MGAT4C: variants seen among roughly 807,000 people sequenced by gnomAD.
MGAT4C encodes MGAT4 family member C, also known as alpha-1,3-mannosyl-glycoprotein 4-beta-N-acetylglucosaminyltransferase C.
Under a neutral mutation model 40.1 loss-of-function variants are expected in MGAT4C, and 19 were observed. The observed-to-expected ratio is 0.47, with a 90% CI of 0.33 to 0.70. The LOEUF is 0.70. Ranked by LOEUF, MGAT4C falls within the 30% of genes least tolerant of loss-of-function variation. The pLI is 0.02. For synonymous variants in MGAT4C, 181 were observed against 187.1 expected, an observed-to-expected ratio of 0.97 and a Z score of 0.27; for missense variants, 491 against 563.2, an observed-to-expected ratio of 0.87 and a Z score of 1.30.
intron 1 of MGAT4C, among the ~76,000 whole-genome samples, chr12:86,753,525 T>A (rs1422849445): frequency 1.3e-5 from 2 of 152,076 alleles, no homozygotes; most frequent in East Asian, 3.9e-4. Context: ...TATTTCTGTG[T>A]GTGTGTCTTT....
intron 1 of MGAT4C, among the ~76,000 whole-genome samples, chr12:86,159,694 A>T (rs564672534): frequency 6.6e-6 from 1 of 152,052 alleles, no homozygotes; most frequent in East Asian, 1.9e-4. Context: ...TTTATTACTG[A>T]TTCAGTTTCA....
At chr12:86,093,429 C>T (rs564161914) in intron 1 of MGAT4C, among the ~76,000 whole-genome samples, 2 of 152,204 alleles carry the variant, frequency 1.3e-5, no homozygotes, top group South Asian at 4.1e-4. Flanking sequence ...ATTCATAGCC[C>T]TTAAAAGGCC....
chr12:86,693,266 G>C (rs1950201035), intron 2 of MGAT4C, among the ~76,000 whole-genome samples: 1 of 152,170 alleles, frequency 6.6e-6, no homozygotes, highest in South Asian at 2.1e-4. Context: ...ATTATGTCAT[G>C]TATACACTGA....
chr12:86,366,014 C>T (rs534461133), intron 3 of MGAT4C, among the ~76,000 whole-genome samples: 38 of 152,290 alleles, frequency 2.5e-4, no homozygotes, highest in African/African-American at 8.7e-4. Flanking sequence ...TTCTTCCAAT[C>T]CATGAGCATG....
At chr12:86,508,421 G>T (rs527525109) in intron 2 of MGAT4C, among the ~76,000 whole-genome samples, 1 of 152,234 alleles carries the variant, frequency 6.6e-6, no homozygotes, top group African/African-American at 2.4e-5. Context: ...GTATTCCACG[G>T]TGTATATGTG....
intron 2 of MGAT4C, among the ~76,000 whole-genome samples, chr12:86,503,750 T>TA (rs1468061168): frequency 4.6e-5 from 3 of 64,984 alleles, no homozygotes; most frequent in Non-Finnish European, 9.6e-5. Context: ...TATATATATA[T>TA]GAGTTCTGCT....
rs568641823 is a variant in MGAT4C at position 86,292,658 on chromosome 12, T to C, written c.-57+41407A>G. On this transcript the variant is annotated intron_variant, in intron 4 of 7. Transcript: ENST00000548651. ...TAATAACAGTTTACATCACCCATAT[T>C]GCGTTCCACGAAAACTGCTGTTCCA... is the stretch of plus-strand genomic sequence containing the variant. Among the ~76,000 whole-genome samples the C allele has an allele frequency of 5.3e-5, 8 of 152,294 alleles. No individual in the cohort carries two copies. In the East Asian group the frequency reaches 1.5e-3, roughly 29 times the overall value.
chr12:86,516,550 T>C (rs1958690271), intron 2 of MGAT4C, among the ~76,000 whole-genome samples: 1 of 151,986 alleles, frequency 6.6e-6, no homozygotes, highest in Admixed American at 6.6e-5. Context: ...TTCTTGACCT[T>C]GATTTAAGCA....
At chr12:86,465,787 C>A (rs1438564024) in intron 2 of MGAT4C, among the ~76,000 whole-genome samples, 2 of 152,114 alleles carry the variant, frequency 1.3e-5, no homozygotes, top group Admixed American at 6.6e-5. Context: ...GGTGGGAATG[C>A]AAAATTGTAC....
At chr12:86,586,181 A>T (rs1258826305) in intron 2 of MGAT4C, among the ~76,000 whole-genome samples, 1 of 135,992 alleles carries the variant, frequency 7.4e-6, no homozygotes, top group East Asian at 2.3e-4. Flanking sequence ...ATTCCCACCT[A>T]TGAGTGAGAA....
chr12:86,498,902 A>G (rs1416047269), intron 2 of MGAT4C, among the ~76,000 whole-genome samples: 3 of 151,974 alleles, frequency 2.0e-5, no homozygotes, highest in Non-Finnish European at 4.4e-5. Flanking sequence ...TACTGCCAAG[A>G]AGAGAGAAGT....
At chr12:86,491,999 A>G (rs1169353963) in intron 2 of MGAT4C, among the ~76,000 whole-genome samples, 2 of 152,172 alleles carry the variant, frequency 1.3e-5, no homozygotes, top group East Asian at 1.9e-4. Context: ...TTATACACCA[A>G]TAACAGACAA....
chr12:86,800,188 C>T (rs1952200417), intron 1 of MGAT4C, among the ~76,000 whole-genome samples: 1 of 151,846 alleles, frequency 6.6e-6, no homozygotes, highest in Admixed American at 6.6e-5. Context: ...AGTATTTCTC[C>T]TTTTCCTGAG....
In MGAT4C at chr12:86,723,961, A is replaced by G. The variant is rs373537921; in HGVS notation, c.-229+3248T>C. Among the ~76,000 whole-genome samples, 26 of 152,296 alleles carry G rather than the reference A, an allele frequency of 1.7e-4. No homozygotes were observed. In the East Asian group the frequency reaches 3.3e-3, roughly 19 times the overall value. ...GTGTGTTCACAAATTGTGTATGTGT[A>G]AGTCTTGTTTAGATAACAATTAAAA... On this transcript the variant is annotated intron_variant, in intron 2 of 7. Transcript: ENST00000548651.
rs2136656983 is a variant in MGAT4C at position 85,969,834 on chromosome 12, C to T, written c.*9455G>A. ...GACAAGTTAGTAAAACCCTATTTTTCATATGCTCTTTAGCTTTTTTAATAC... is the reference window on the plus strand; with the variant it reads ...GACAAGTTAGTAAAACCCTATTTTTTATATGCTCTTTAGCTTTTTTAATAC... On this transcript the variant is annotated 3_prime_UTR_variant, in exon 5 of 5. Transcript: ENST00000611864. 3 of 151,392 alleles carry T rather than the reference C, an allele frequency of 2.0e-5. No individual in the cohort carries two copies. The Middle Eastern group carries it at 0.01, about 515-fold the overall frequency. The allele number at this position is 151,392 out of a possible 1,614,324, so 9.4% of individuals were successfully genotyped here. A position where few individuals can be genotyped will look rare whatever the true frequency, so the allele number is the denominator to read the frequency against.
chr12:86,092,723 T>C (rs570373678), intron 1 of MGAT4C, among the ~76,000 whole-genome samples: 4 of 152,282 alleles, frequency 2.6e-5, no homozygotes, highest in African/African-American at 7.2e-5. Context: ...TTTATCATTA[T>C]ATTTAATTTA....
intron 1 of MGAT4C, among the ~76,000 whole-genome samples, chr12:86,824,254 G>A (rs1196366938): frequency 2.6e-5 from 4 of 151,390 alleles, no homozygotes; most frequent in African/African-American, 4.8e-5. Flanking sequence ...CAAGAGTAGC[G>A]ATGCTGGTAA....
At chr12:86,031,594 TG>T (rs1292067694) in intron 2 of MGAT4C, among the ~76,000 whole-genome samples, 1 of 151,818 alleles carries the variant, frequency 6.6e-6, no homozygotes, top group South Asian at 2.1e-4. Context: ...GTTCAAATGA[TG>T]TAAGGTTCAC....
chr12:86,475,640 A>G (rs1384639255), intron 2 of MGAT4C, among the ~76,000 whole-genome samples: 4 of 152,012 alleles, frequency 2.6e-5, no homozygotes, highest in Non-Finnish European at 5.9e-5. Flanking sequence ...TATAATTAAC[A>G]TTTAAAATAT....
Sources: gnomAD v4.1 joint callset for allele counts (sites outside exome capture counted in the v4.1 genomes callset) on GRCh38, gnomAD v4.1.1 for gene constraint, MANE v1.5 for transcripts, NCBI Gene and HGNC (gene_info 2026-07-23, HGNC 2026-07-21) for gene names.